The following DDC variants were observed in gnomAD, a reference collection of about 807,000 sequenced individuals.
DDC encodes the protein aromatic-L-amino-acid decarboxylase.
DDC carries 43 observed loss-of-function variants against 60.0 expected under a neutral mutation model. That is an observed-to-expected ratio of 0.72 (90% CI 0.56 to 0.92). The LOEUF (loss-of-function observed/expected upper bound fraction) is 0.92, where lower values mean the gene tolerates loss of function less well. Among genes scored for constraint, DDC ranks in the 40% least tolerant of loss-of-function variants. The pLI, the probability that DDC is intolerant of heterozygous loss-of-function variation, is 0.00. For missense variants in DDC, 573 were observed against 620.2 expected (o/e 0.92, Z 0.81); for synonymous variants, 232 against 234.6 (o/e 0.99, Z 0.10).
In DDC at chr7:50,529,284, TG is replaced by T; in HGVS notation, c.493del (p.His165IlefsTer36). On this transcript the variant is annotated frameshift_variant, in exon 5 of 15. Coordinates refer to ENST00000444124, the MANE Select transcript of DDC (RefSeq NM_001082971.2). LOFTEE classifies it high-confidence loss of function. Reference sequence around the variant, plus strand: ...CTCTGGGGACGCTGCCTGCAGCCGATGGATCACTTTGGTCCGAGCGGCCAGC... The same window carrying T: ...CTCTGGGGACGCTGCCTGCAGCCGATGATCACTTTGGTCCGAGCGGCCAGC... ...ALLAARTKVI[H>X]RLQAASPELT... The T allele has an allele frequency of 6.2e-7, 1 of 1,614,170 alleles. No homozygotes were observed. Among genetic ancestry groups the T allele is most frequent in the Non-Finnish European group, 8.5e-7 (1 of 1,180,048 alleles).
At chr7:50,476,307 C>A (rs1243720116) in intron 11 of DDC, among the ~76,000 whole-genome samples, 1 of 152,186 alleles carries the variant, frequency 6.6e-6, no homozygotes, top group Admixed American at 6.5e-5. Context: ...CCAGTGCAGC[C>A]CCAGGCACAC....
chr7:50,499,133 G>C lies in DDC; in HGVS notation c.876+15C>G. Reference sequence around the variant, plus strand: ...CTGTGAAAACAGCCTTAGGGAGAGCGAAGGGTGCACCTACCTCCACTCCAT... The same window carrying C: ...CTGTGAAAACAGCCTTAGGGAGAGCCAAGGGTGCACCTACCTCCACTCCAT... On this transcript the variant is annotated intron_variant, in intron 8 of 14. Transcript: ENST00000444124. 1 of 1,602,716 alleles carries C rather than the reference G, an allele frequency of 6.2e-7. No homozygotes were observed. Among genetic ancestry groups the C allele is most frequent in the Non-Finnish European group, 8.5e-7 (1 of 1,169,746 alleles).
At chr7:50,493,116 A>AAACTGAGCGTGTAAATG (rs2043044873) in intron 9 of DDC, 5 of 864,614 alleles carry the variant, frequency 5.8e-6, no homozygotes, top group Non-Finnish European at 7.4e-6. Flanking sequence ...CAGTTTCCTC[A>AAACTGAGCGTGTAAATG]TCTGTAAAGA....
intron 1 of DDC, among the ~76,000 whole-genome samples, chr7:50,551,785 A>G (rs560880203): frequency 1.6e-4 from 24 of 152,300 alleles, no homozygotes; most frequent in African/African-American, 5.8e-4. Flanking sequence ...GAGAATGTCA[A>G]TTTTTATGTA....
At chr7:50,517,825 T>TAAAAAAA in intron 6 of DDC, among the ~76,000 whole-genome samples, 1 of 76,192 alleles carries the variant, frequency 1.3e-5, no homozygotes, top group Non-Finnish European at 2.7e-5. Context: ...TTATAATAGC[T>TAAAAAAA]AAAAAAAAAA....
At chr7:50,530,416 C>G (rs984613412) in intron 4 of DDC, among the ~76,000 whole-genome samples, 4 of 152,180 alleles carry the variant, frequency 2.6e-5, no homozygotes, top group African/African-American at 9.7e-5. Context: ...TTTGGACTTG[C>G]AGCCTTCGGG....
chr7:50,527,732 T>TA, intron 6 of DDC: 1 of 239,214 alleles, frequency 4.2e-6, no homozygotes, highest in Non-Finnish European at 8.3e-6. Flanking sequence ...AGATGGCAGG[T>TA]ACACCTTGAT....
intron 8 of DDC, among the ~76,000 whole-genome samples, chr7:50,498,426 C>T (rs1173196971): frequency 6.6e-6 from 1 of 152,230 alleles, no homozygotes; most frequent in Non-Finnish European, 1.5e-5. Flanking sequence ...TCAGGACCCT[C>T]TATGGCATTC....
chr7:50,476,038 T>C (rs1448464884), intron 11 of DDC, among the ~76,000 whole-genome samples: 2 of 152,130 alleles, frequency 1.3e-5, no homozygotes, highest in African/African-American at 4.8e-5. Flanking sequence ...TGGCCACACC[T>C]CTGTTCCCCC....
chr7:50,533,439 G>A (rs1479919492), intron 4 of DDC, among the ~76,000 whole-genome samples: 4 of 152,032 alleles, frequency 2.6e-5, no homozygotes, highest in Non-Finnish European at 4.4e-5. Flanking sequence ...GGGATTACAG[G>A]CACATGCCAC....
intron 6 of DDC, among the ~76,000 whole-genome samples, chr7:50,523,073 T>C (rs949208018): frequency 6.6e-6 from 1 of 152,128 alleles, no homozygotes; most frequent in African/African-American, 2.4e-5. Flanking sequence ...TGGATTCGGG[T>C]TGGGACACAG....
chr7:50,480,019 G>A (rs1209468251), intron 9 of DDC, 156 bp from the exon 10 acceptor site: 9 of 668,828 alleles, frequency 1.3e-5, no homozygotes, highest in South Asian at 1.3e-4. Context: ...CCAAGTACCT[G>A]GGGAGGGCGT....
chr7:50,492,699 T>TC, intron 9 of DDC: 1 of 1,381,368 alleles, frequency 7.2e-7, no homozygotes, highest in East Asian at 2.9e-5. Flanking sequence ...CCAAATGGCC[T>TC]TTTCCAAATG....
intron 13 of DDC, among the ~76,000 whole-genome samples, chr7:50,465,161 A>G (rs11982708): frequency 0.052 from 7,945 of 152,304 alleles, 477 homozygotes; most frequent in African/African-American, 0.15. Flanking sequence ...AAGTGAAGAA[A>G]ACAGTCATAA....
chr7:50,483,992 G>A (rs540456843), intron 9 of DDC, among the ~76,000 whole-genome samples: 1 of 152,120 alleles, frequency 6.6e-6, no homozygotes, highest in East Asian at 1.9e-4. Flanking sequence ...GATTTTTCAG[G>A]TTTTCTATTT....
At chr7:50,556,627 C>G (rs1240722270) in intron 1 of DDC, among the ~76,000 whole-genome samples, 3 of 152,190 alleles carry the variant, frequency 2.0e-5, no homozygotes, top group Non-Finnish European at 2.9e-5. Flanking sequence ...TAGCATTTCA[C>G]TCTCCACACC....
At chr7:50,465,908 C>T (rs775725288) in intron 13 of DDC, among the ~76,000 whole-genome samples, 9 of 152,196 alleles carry the variant, frequency 5.9e-5, no homozygotes, top group African/African-American at 1.4e-4. Flanking sequence ...CTTGCCCTCT[C>T]GGTCCTCTGT....
At chr7:50,472,579 A>G (rs2042558033) in intron 11 of DDC, among the ~76,000 whole-genome samples, 1 of 152,076 alleles carries the variant, frequency 6.6e-6, no homozygotes. Flanking sequence ...CCTGTCTTTC[A>G]ATAGGTTCAG....
intron 6 of DDC, 116 bp downstream of exon 6, chr7:50,528,021 C>A: frequency 1.6e-6 from 2 of 1,240,494 alleles, no homozygotes; most frequent in South Asian, 3.0e-5. Context: ...CTCAGCTTCC[C>A]GAGTAGCTGG....
Sources: gnomAD v4.1 joint callset for allele counts (sites outside exome capture counted in the v4.1 genomes callset) on GRCh38, gnomAD v4.1.1 for gene constraint, MANE v1.5 for transcripts, NCBI Gene and HGNC (gene_info 2026-07-23, HGNC 2026-07-21) for gene names.